SPINT2: variants seen among roughly 807,000 people sequenced by gnomAD.
SPINT2 encodes the protein serine peptidase inhibitor, Kunitz type 2.
Under a neutral mutation model 30.1 loss-of-function variants are expected in SPINT2, and 18 were observed. The observed-to-expected ratio is 0.60, with a 90% CI of 0.41 to 0.89. The LOEUF (loss-of-function observed/expected upper bound fraction) is 0.89, where lower values mean the gene tolerates loss of function less well. SPINT2 is among the 40% of genes least tolerant of loss of function. SPINT2 has a pLI of 0.00. For missense variants in SPINT2, 276 were observed against 334.3 expected, an observed-to-expected ratio of 0.83 and a Z score of 1.36; for synonymous variants, 139 against 137.9, an observed-to-expected ratio of 1.01 and a Z score of -0.05.
At position 38,287,864 on chromosome 19, in the gene SPINT2, G is replaced by C; in HGVS notation, c.278-12G>C. 1 of 1,614,140 alleles carries C rather than the reference G, an allele frequency of 6.2e-7. No homozygotes were observed. The highest frequency in any genetic ancestry group is 1.1e-5 in the South Asian group (1 of 91,084). ...AGCTCTTTCACTGTGCTGTTTCTTTGTCCCCTTGCAGAGAATGCCACGGGT... is the reference window on the plus strand; with the variant it reads ...AGCTCTTTCACTGTGCTGTTTCTTTCTCCCCTTGCAGAGAATGCCACGGGT... On this transcript the variant is annotated splice_polypyrimidine_tract_variant and intron_variant, in intron 2 of 6. Coordinates refer to ENST00000301244, the MANE Select transcript of SPINT2 (RefSeq NM_021102.4).
In SPINT2 at chr19:38,290,050, A is replaced by G; in HGVS notation, c.392-69A>G. 2 of 1,577,718 alleles carry G rather than the reference A, an allele frequency of 1.3e-6. No homozygotes were observed. The highest frequency in any genetic ancestry group is 1.7e-5 in the Admixed American group (1 of 59,960). ...GCTGGAGCCGCAAGCCTCCTCAGGC[A>G]CTTTCTGGCTTGCTTCCCCTCCTTG... On this transcript the variant is annotated intron_variant, in intron 4 of 6. Coordinates refer to ENST00000301244, the MANE Select transcript of SPINT2 (RefSeq NM_021102.4). This position sits in a 1 kb window ranked among gnomAD's most constrained non-coding sequence, Gnocchi z 4.3.
chr19:38,288,268 A>G (rs929015850), intron 3 of SPINT2: 8 of 397,234 alleles, frequency 2.0e-5, no homozygotes, highest in East Asian at 1.5e-4. Context: ...TGCTGACCCC[A>G]CTCCCCACCC....
chr19:38,274,925 T>G (rs1259240008), intron 1 of SPINT2, among the ~76,000 whole-genome samples: 1 of 152,116 alleles, frequency 6.6e-6, no homozygotes, highest in Non-Finnish European at 1.5e-5. Context: ...TGTGAAGGCT[T>G]CTTGTCCACG....
chr19:38,269,767 G>A (rs1218292584), intron 1 of SPINT2, among the ~76,000 whole-genome samples: 1 of 151,650 alleles, frequency 6.6e-6, no homozygotes, highest in Admixed American at 6.6e-5. Context: ...CTGCCGCCAC[G>A]CCCGGCTAAT....
intron 2 of SPINT2, among the ~76,000 whole-genome samples, chr19:38,284,600 T>A (rs1463712422): frequency 6.6e-6 from 1 of 152,188 alleles, no homozygotes; most frequent in Non-Finnish European, 1.5e-5. Flanking sequence ...AGGGCAGAGC[T>A]GGGGCCAGCG....
At chr19:38,274,584 G>A (rs1051784001) in intron 1 of SPINT2, among the ~76,000 whole-genome samples, 16 of 152,076 alleles carry the variant, frequency 1.1e-4, no homozygotes, top group African/African-American at 1.7e-4. Flanking sequence ...TTGGGAGGCC[G>A]AGGTAGGCAG....
In SPINT2 at chr19:38,292,196, C is replaced by A. The variant is rs1354475330; in HGVS notation, c.*190C>A. The stretch of plus-strand genomic sequence containing the variant: ...AAATCCTCTAGGAGGCTCCTCCTCG[C>A]ATGGCCTGCAGTCTGGCAGCAGCCC... On this transcript the variant is annotated 3_prime_UTR_variant, in exon 7 of 7. Transcript: ENST00000301244. 4.3e-6 allele frequency: 3 copies of A among 703,338 alleles called. No homozygotes were observed. Among genetic ancestry groups the A allele is most frequent in the Non-Finnish European group, 7.1e-6 (3 of 423,600 alleles). The allele number at this position is 703,338 out of a possible 1,614,324, so 43.6% of individuals were successfully genotyped here.
chr19:38,281,014 C>T (rs1268923321), intron 1 of SPINT2, among the ~76,000 whole-genome samples: 3 of 152,154 alleles, frequency 2.0e-5, no homozygotes, highest in Non-Finnish European at 2.9e-5. Flanking sequence ...GTTGGGTGCT[C>T]TTGCCTTGAT....
chr19:38,290,295 C>T lies in SPINT2; in HGVS notation c.553+15C>T, dbSNP rs759592780. The T allele has an allele frequency of 6.2e-7, 1 of 1,610,708 alleles. No individual in the cohort carries two copies. Among genetic ancestry groups the T allele is most frequent in the Non-Finnish European group, 8.5e-7 (1 of 1,179,366 alleles). On this transcript the variant is annotated intron_variant, in intron 5 of 6. Coordinates refer to ENST00000301244, the MANE Select transcript of SPINT2 (RefSeq NM_021102.4). This position sits in a 1 kb window ranked among gnomAD's most constrained non-coding sequence, Gnocchi z 4.3. ...CCGCTGCTTCCGTAAGTCTGCAGCC[C>T]CTCAGCCCAGGAAGCCCTGCCCTTG...
chr19:38,270,238 G>T (rs990099294), intron 1 of SPINT2, among the ~76,000 whole-genome samples: 1 of 152,200 alleles, frequency 6.6e-6, no homozygotes, highest in Non-Finnish European at 1.5e-5. Context: ...TAAAGCTGGT[G>T]TTGGCGATCA....
At chr19:38,281,080 C>T (rs1478570474) in intron 1 of SPINT2, among the ~76,000 whole-genome samples, 1 of 152,134 alleles carries the variant, frequency 6.6e-6, no homozygotes, top group Non-Finnish European at 1.5e-5. Context: ...TTCATCTCGT[C>T]TTGTTGGTGG....
chr19:38,270,314 A>G (rs1300075894), intron 1 of SPINT2, among the ~76,000 whole-genome samples: 1 of 152,176 alleles, frequency 6.6e-6, no homozygotes, highest in Non-Finnish European at 1.5e-5. Flanking sequence ...TGCTTGTCCT[A>G]CTTGCAGGCA....
chr19:38,288,879 T>G, intron 3 of SPINT2: 1 of 501,566 alleles, frequency 2.0e-6, no homozygotes, highest in Non-Finnish European at 3.6e-6. Flanking sequence ...GTGTTCCCTA[T>G]AATATTAGGA....
At chr19:38,275,947 G>A (rs575554236) in intron 1 of SPINT2, among the ~76,000 whole-genome samples, 10 of 150,324 alleles carry the variant, frequency 6.7e-5, no homozygotes, top group African/African-American at 2.2e-4. Context: ...GGCTGGTCTC[G>A]AACTCCTGAC....
At position 38,287,900 on chromosome 19, in the gene SPINT2, C is replaced by T; in HGVS notation, c.302C>T (p.Thr101Ile). Reference sequence around the variant, plus strand: ...GAGAATGCCACGGGTGACCTGGCCACCAGCAGGAATGCAGCGGATTCCTCT... The same window carrying T: ...GAGAATGCCACGGGTGACCTGGCCATCAGCAGGAATGCAGCGGATTCCTCT... ...VTENATGDLA[T>I]SRNAADSSVP... Residue 101 changes from threonine (T) to isoleucine (I), a missense_variant, in exon 3 of 7, where the codon ACC becomes ATC. Transcript: ENST00000301244. The T allele has an allele frequency of 6.2e-7, 1 of 1,614,160 alleles. No homozygotes were observed. The highest frequency in any genetic ancestry group is 1.1e-5 in the South Asian group (1 of 91,082).
rs768138591 is a variant in SPINT2, at chr19:38,290,271, C to T, written c.544C>T (p.Arg182Cys). The change falls in exon 5 of 7, where the codon CGC becomes TGC. Residue 182 changes from arginine to cysteine, a missense_variant. Physicochemically the swap from Arg to Cys is radical, Grantham distance 180. Coordinates refer to ENST00000301244, the MANE Select transcript of SPINT2 (RefSeq NM_021102.4). This position sits in a 1 kb window ranked among gnomAD's most constrained non-coding sequence, Gnocchi z 4.3. ...CCGCTCTGAGGAGGCCTGCATGCTCCGCTGCTTCCGTAAGTCTGCAGCCCC... is the reference window on the plus strand; with the variant it reads ...CCGCTCTGAGGAGGCCTGCATGCTCTGCTGCTTCCGTAAGTCTGCAGCCCC... ...SYRSEEACML[R>C]CFRQQENPPL... The T allele has an allele frequency of 1.2e-5, 19 of 1,611,820 alleles. No individual in the cohort carries two copies. The East Asian group carries it at 2.2e-4, about 19-fold the overall frequency.
At chr19:38,286,776 C>T (rs1968646874) in intron 2 of SPINT2, among the ~76,000 whole-genome samples, 1 of 152,090 alleles carries the variant, frequency 6.6e-6, no homozygotes, top group Admixed American at 6.5e-5. Flanking sequence ...GAGCGAGACT[C>T]CGTTTCAAAA....
chr19:38,281,487 A>G (rs1443473565), intron 1 of SPINT2, among the ~76,000 whole-genome samples: 1 of 152,102 alleles, frequency 6.6e-6, no homozygotes, highest in Non-Finnish European at 1.5e-5. Flanking sequence ...AGATGGGCGG[A>G]TCACCTGAGG....
At chr19:38,269,365 G>A (rs957962976) in intron 1 of SPINT2, among the ~76,000 whole-genome samples, 40 of 146,368 alleles carry the variant, frequency 2.7e-4, no homozygotes, top group Non-Finnish European at 3.9e-4. Flanking sequence ...CTGGAGGCAA[G>A]CAGGGCAACA....
Sources: allele counts gnomAD v4.1 joint callset (sites outside exome capture counted in the v4.1 genomes callset), GRCh38; gene constraint gnomAD v4.1.1; non-coding constraint Gnocchi (gnomAD v3.1); transcripts MANE v1.5; gene names NCBI Gene and HGNC (gene_info 2026-07-23, HGNC 2026-07-21).